Variants in GRB2 observed in about 807,000 individuals in gnomAD.
GRB2 encodes growth factor receptor-bound protein 2.
GRB2 carries 2 observed loss-of-function variants against 27.4 expected under a neutral mutation model. That is an observed-to-expected ratio of 0.07 (90% CI 0.03 to 0.23). GRB2 has a LOEUF of 0.23. GRB2 is among the 10% of genes least tolerant of loss of function. GRB2 has a pLI of 1.00. For synonymous variants in GRB2, 94 were observed against 99.6 expected (o/e 0.94, Z 0.33); for missense variants, 102 against 282.4 (o/e 0.36, Z 4.58).
chr17:75,383,532 T>G (rs972061793), intron 2 of GRB2, among the ~76,000 whole-genome samples: 1 of 152,230 alleles, frequency 6.6e-6, no homozygotes, highest in Non-Finnish European at 1.5e-5. Flanking sequence ...GTCTACTTTA[T>G]GCTAGTTACT....
chr17:75,363,218 A>G (rs2078796372), intron 2 of GRB2, among the ~76,000 whole-genome samples: 1 of 152,166 alleles, frequency 6.6e-6, no homozygotes, highest in African/African-American at 2.4e-5. Context: ...AAGATAGGGT[A>G]GCACCTCACC....
intron 3 of GRB2, 101 bp from the exon 4 acceptor site, chr17:75,326,121 A>G (rs2078497037): frequency 1.5e-6 from 2 of 1,366,840 alleles, no homozygotes; most frequent in Admixed American, 1.7e-5. Context: ...TGCCAGAGGA[A>G]GGGGCCTCCC....
chr17:75,333,108 C>T (rs2078552193), intron 2 of GRB2, among the ~76,000 whole-genome samples: 1 of 151,862 alleles, frequency 6.6e-6, no homozygotes. Flanking sequence ...CGGAGTCTTG[C>T]TCTGTCGCCC....
intron 2 of GRB2, among the ~76,000 whole-genome samples, chr17:75,353,184 C>CA (rs71159495): frequency 0.68 from 85,037 of 124,468 alleles, 32,400 homozygotes; most frequent in East Asian, 0.89. Context: ...GACTCCGTCT[C>CA]AAAAAAAAAA....
intron 2 of GRB2, among the ~76,000 whole-genome samples, chr17:75,376,298 T>C (rs1442026660): frequency 1.2e-4 from 18 of 145,138 alleles, no homozygotes; most frequent in Non-Finnish European, 1.5e-4. Context: ...TGAGCCGAGA[T>C]TGTGCCACTG....
At chr17:75,324,187 A>C (rs919340857) in intron 4 of GRB2, among the ~76,000 whole-genome samples, 3 of 121,924 alleles carry the variant, frequency 2.5e-5, no homozygotes. Context: ...CTAAAACCAA[A>C]TAAGATATTC....
Position 75,318,648 on chromosome 17 carries a change from T to C in GRB2, c.*1720A>G, listed in dbSNP as rs2078433328. 1 of 152,294 alleles carries C rather than the reference T, an allele frequency of 6.6e-6. No individual in the cohort carries two copies. The highest frequency in any genetic ancestry group is 2.4e-5 in the African/African-American group (1 of 41,432). The allele number at this position is 152,294 out of a possible 1,614,324, so 9.4% of individuals were successfully genotyped here. A position where few individuals can be genotyped will look rare whatever the true frequency, so the allele number is the denominator to read the frequency against. ...CAATCTTGCCTTCCCCAACTCTCCC[T>C]GCTTCCTGGGACCATCGGTAGGGGT... is the stretch of plus-strand genomic sequence containing the variant. On this transcript the variant is annotated 3_prime_UTR_variant, in exon 6 of 6. Coordinates refer to ENST00000316804, the MANE Select transcript of GRB2 (RefSeq NM_002086.5).
At chr17:75,395,591 GTATTTACT>G (rs1385811260) in intron 1 of GRB2, among the ~76,000 whole-genome samples, 1 of 152,102 alleles carries the variant, frequency 6.6e-6, no homozygotes, top group Non-Finnish European at 1.5e-5. Context: ...CTTTCTCTTT[GTATTTACT>G]TATTTTTCTT....
intron 2 of GRB2, among the ~76,000 whole-genome samples, chr17:75,342,614 T>C (rs1473962763): frequency 1.3e-5 from 2 of 152,210 alleles, no homozygotes; most frequent in East Asian, 1.9e-4. Flanking sequence ...AAATAGATCC[T>C]AGAAAGACTG....
intron 2 of GRB2, among the ~76,000 whole-genome samples, chr17:75,355,480 T>C (rs995948201): frequency 6.6e-6 from 1 of 151,832 alleles, no homozygotes; most frequent in African/African-American, 2.4e-5. Flanking sequence ...AATTTTACAG[T>C]GAATACATTT....
chr17:75,393,911 C>T lies in GRB2; in HGVS notation c.-137-146G>A, dbSNP rs531013465. 2.3e-4 allele frequency: 111 copies of T among 485,498 alleles called. 1 individual carries two copies. The highest frequency in any genetic ancestry group is 1.6e-3 in the Admixed American group (41 of 25,966). The allele number at this position is 485,498 out of a possible 1,614,324, so 30.1% of individuals were successfully genotyped here. ...CTCCCTTCCAGGCAACAGCCCCCCC[C>T]CGCCGACTTCTTCCTCTTTTCAGCC... On this transcript the variant is annotated intron_variant, in intron 1 of 5. Coordinates refer to ENST00000316804, the MANE Select transcript of GRB2 (RefSeq NM_002086.5).
In GRB2 at chr17:75,396,403, C is replaced by T. The variant is rs549308425; in HGVS notation, c.-137-2638G>A. 5.3e-5 allele frequency among the ~76,000 whole-genome samples: 8 copies of T among 152,006 alleles called. No individual in the cohort carries two copies. In the East Asian group the frequency reaches 9.7e-4, roughly 18 times the overall value. The stretch of plus-strand genomic sequence containing the variant: ...AACTACAGGTGTGGGCCACTATGCC[C>T]GGCTACTTTTTCTATTTTTTGTAGA... On this transcript the variant is annotated intron_variant, in intron 1 of 5. Coordinates refer to ENST00000316804, the MANE Select transcript of GRB2 (RefSeq NM_002086.5).
intron 3 of GRB2, among the ~76,000 whole-genome samples, chr17:75,327,665 G>A (rs939866682): frequency 1.3e-5 from 2 of 151,804 alleles, no homozygotes; most frequent in Non-Finnish European, 2.9e-5. Flanking sequence ...CACCACGCCC[G>A]GCTAATTTAC....
At chr17:75,392,909 C>A (rs2079007546) in intron 2 of GRB2, among the ~76,000 whole-genome samples, 1 of 152,118 alleles carries the variant, frequency 6.6e-6, no homozygotes, top group Non-Finnish European at 1.5e-5. Flanking sequence ...TCTTTTCGTG[C>A]AATTAGAGTT....
intron 2 of GRB2, among the ~76,000 whole-genome samples, chr17:75,359,524 A>AT (rs2078764946): frequency 1.2e-5 from 1 of 85,736 alleles, no homozygotes; most frequent in Non-Finnish European, 2.8e-5. Flanking sequence ...AATAATAATA[A>AT]ATAATAATAA....
intron 1 of GRB2, among the ~76,000 whole-genome samples, chr17:75,397,229 G>T (rs1415872777): frequency 1.3e-5 from 2 of 152,090 alleles, no homozygotes; most frequent in South Asian, 2.1e-4. Context: ...ATTCCAAAGG[G>T]TGTGTTTCAG....
At chr17:75,393,489 G>C in intron 2 of GRB2, 62 bp downstream of exon 2, 1 of 1,272,934 alleles carries the variant, frequency 7.9e-7, no homozygotes, top group Non-Finnish European at 1.2e-6. Context: ...TAATCAGGGC[G>C]AAAGAAGGTG....
chr17:75,381,348 C>T (rs2078926270), intron 2 of GRB2, among the ~76,000 whole-genome samples: 1 of 152,114 alleles, frequency 6.6e-6, no homozygotes, highest in Non-Finnish European at 1.5e-5. Context: ...TTAAATGTTA[C>T]AGTGAAGTGG....
At chr17:75,389,427 TACTACTAAGAATCACTACTACAAATC>T (rs1204394869) in intron 2 of GRB2, among the ~76,000 whole-genome samples, 1 of 152,114 alleles carries the variant, frequency 6.6e-6, no homozygotes, top group African/African-American at 2.4e-5. Context: ...TACCATCAAA[TACTACTAAGAATCACTACTACAAATC>T]ACTACCAAGA....
Sources: allele counts gnomAD v4.1 joint callset (sites outside exome capture counted in the v4.1 genomes callset), GRCh38; gene constraint gnomAD v4.1.1; transcripts MANE v1.5; gene names NCBI Gene and HGNC (gene_info 2026-07-23, HGNC 2026-07-21).